DNAH8: variants seen among roughly 807,000 people sequenced by gnomAD.
DNAH8 encodes the protein axonemal beta dynein heavy chain 8.
In DNAH8, 382 loss-of-function variants were observed where a neutral mutation model predicts 562.1. The observed-to-expected ratio is 0.68, with a 90% CI of 0.63 to 0.74. DNAH8 has a LOEUF of 0.74. Among genes scored for constraint, DNAH8 ranks in the 30% least tolerant of loss-of-function variants. The probability of loss-of-function intolerance (pLI) is 0.00; values close to 1 mark genes in which losing one functional copy is unlikely to be tolerated. For missense variants in DNAH8, 5,203 were observed against 5,620.4 expected, an observed-to-expected ratio of 0.93 and a Z score of 2.37; for synonymous variants, 1,881 against 1,919.4, an observed-to-expected ratio of 0.98 and a Z score of 0.52.
intron 10 of DNAH8, among the ~76,000 whole-genome samples, chr6:38,758,593 C>G: frequency 6.6e-6 from 1 of 151,684 alleles, no homozygotes; most frequent in Admixed American, 6.6e-5. Flanking sequence ...GAGAGGGCAT[C>G]CCTGTCTTGT....
intron 17 of DNAH8, among the ~76,000 whole-genome samples, chr6:38,784,030 G>T (rs1768906110): frequency 1.3e-5 from 2 of 152,098 alleles, no homozygotes; most frequent in Admixed American, 1.3e-4. Context: ...AGCTGTGTGG[G>T]GACACAGCAC....
intron 53 of DNAH8, among the ~76,000 whole-genome samples, chr6:38,880,396 A>C (rs7772071): frequency 0.42 from 63,783 of 151,874 alleles, 13,997 homozygotes; most frequent in East Asian, 0.69. Context: ...TTATTTAAAC[A>C]TTATTTAAAG....
chr6:38,725,034 A>G (rs1457246022), intron 3 of DNAH8, among the ~76,000 whole-genome samples: 1 of 151,976 alleles, frequency 6.6e-6, no homozygotes, highest in Non-Finnish European at 1.5e-5. Context: ...CGGGCGCAGT[A>G]GCTCACACCT....
intron 4 of DNAH8, 100 bp from the exon 5 acceptor site, chr6:38,734,374 A>G (rs1325368963): frequency 1.5e-6 from 2 of 1,353,690 alleles, no homozygotes; most frequent in Non-Finnish European, 1.9e-6. Flanking sequence ...AACTTCTTAC[A>G]ATAAAGTAAA....
At chr6:38,884,443 G>A (rs1207206675) in intron 56 of DNAH8, among the ~76,000 whole-genome samples, 5 of 152,028 alleles carry the variant, frequency 3.3e-5, no homozygotes, top group Non-Finnish European at 7.4e-5. Context: ...ACATGTGCCC[G>A]CCACCACGCC....
chr6:39,018,458 T>C (rs1766696630), intron 91 of DNAH8, among the ~76,000 whole-genome samples: 1 of 152,222 alleles, frequency 6.6e-6, no homozygotes, highest in African/African-American at 2.4e-5. Flanking sequence ...GAGCTCACTT[T>C]GTGTGCTCTT....
In DNAH8 at chr6:38,906,303, G is replaced by T. The variant is rs1430726492; in HGVS notation, c.9244G>T (p.Val3082Phe). 2 of 1,608,694 alleles carry T rather than the reference G, an allele frequency of 1.2e-6. No homozygotes were observed. The highest frequency in any genetic ancestry group is 1.1e-5 in the South Asian group (1 of 90,700). The change falls in exon 63 of 93, where the codon GTT (valine) becomes TTT (phenylalanine). Residue 3082 changes from valine (V) to phenylalanine (F), a missense_variant. Val to Phe is a conservative substitution (Grantham distance 50, BLOSUM62 -1). This residue lies in a region of DNAH8 where 977 missense variants were observed against 1,061.8 expected (regional missense o/e 0.92). Transcript: ENST00000327475. ...AGATGATTTAAAAGCTTTGTACAAA[G>T]TTGCTGGTGCTGATGGAAAAGGCAT... is the stretch of plus-strand genomic sequence containing the variant. Reference protein sequence around the residue: ...LTDDLKALYKVAGADGKGITF... With the variant: ...LTDDLKALYKFAGADGKGITF...
intron 9 of DNAH8, 81 bp downstream of exon 9, chr6:38,750,670 T>C: frequency 1.2e-6 from 1 of 856,712 alleles, no homozygotes; most frequent in Non-Finnish European, 1.8e-6. Context: ...AAGGCTGAGG[T>C]GGAAGGATCG....
rs1281754299 is a variant in DNAH8 at position 38,915,317 on chromosome 6, A to T, written c.10080A>T (p.Lys3360Asn). The T allele has an allele frequency of 6.2e-7, 1 of 1,610,336 alleles. No individual in the cohort carries two copies. Among genetic ancestry groups the T allele is most frequent in the African/African-American group, 1.3e-5 (1 of 74,728 alleles). The change falls in exon 68 of 93, where the codon AAA becomes AAT. Residue 3360 changes from lysine to asparagine, a missense_variant. This residue lies in a region of DNAH8 where 87 missense variants were observed against 144.9 expected (regional missense o/e 0.60). Transcript: ENST00000327475. The stretch of plus-strand genomic sequence containing the variant: ...ATGAAATTGATAGTGAAAAAGTGAA[A>T]GCTGAAAGCAAGCTTGAGGCAGCTA... ...IVDEIDSEKV[K>N]AESKLEAAKP...
intron 81 of DNAH8, among the ~76,000 whole-genome samples, chr6:38,950,545 G>A (rs1055315530): frequency 6.6e-6 from 1 of 151,272 alleles, no homozygotes; most frequent in Non-Finnish European, 1.5e-5. Flanking sequence ...GTTCACTCCA[G>A]TCTCCTGCCT....
At chr6:38,880,515 T>C (rs1392093648) in intron 53 of DNAH8, among the ~76,000 whole-genome samples, 1 of 152,126 alleles carries the variant, frequency 6.6e-6, no homozygotes, top group Non-Finnish European at 1.5e-5. Context: ...AGCCACAGAC[T>C]GTAAAGAACT....
chr6:38,874,094 T>TTCTTTCTC lies in DNAH8; in HGVS notation c.7620+721_7620+722insTTCTCTCT, dbSNP rs1777746690. Among the ~76,000 whole-genome samples, 6 of 122,688 alleles carry TTCTTTCTC rather than the reference T, an allele frequency of 4.9e-5. 1 individual carries two copies. Among genetic ancestry groups the TTCTTTCTC allele is most frequent in the Admixed American group, 8.7e-5 (1 of 11,538 alleles). 80.5% of individuals were successfully genotyped at this position (122,688 alleles called of 152,430 possible). ...TTTCTTTCTTTCTTTCTTTCTTTCT[T>TTCTTTCTC]TCTCTTTCTCCTTCCTTCCTTCCTC... On this transcript the variant is annotated intron_variant, in intron 52 of 92. Coordinates refer to ENST00000327475, the MANE Select transcript of DNAH8 (RefSeq NM_001206927.2).
chr6:38,798,306 C>A (rs980376811), intron 21 of DNAH8, among the ~76,000 whole-genome samples: 4 of 152,196 alleles, frequency 2.6e-5, no homozygotes, highest in Admixed American at 1.3e-4. Context: ...TGGATTATAT[C>A]TTAATTAAAA....
chr6:38,741,389 C>G (rs546173287), intron 7 of DNAH8, among the ~76,000 whole-genome samples: 1 of 151,674 alleles, frequency 6.6e-6, no homozygotes, highest in East Asian at 1.9e-4. Context: ...GGCAGCAGAG[C>G]GAGACCCTGC....
At chr6:38,746,909 T>C (rs1764990139) in intron 8 of DNAH8, among the ~76,000 whole-genome samples, 1 of 152,084 alleles carries the variant, frequency 6.6e-6, no homozygotes, top group African/African-American at 2.4e-5. Flanking sequence ...AGCCTGTGTG[T>C]TGGGAGTGAG....
chr6:38,823,511 T>C, intron 27 of DNAH8, 51 bp from the exon 28 acceptor site: 1 of 1,398,782 alleles, frequency 7.1e-7, no homozygotes. Flanking sequence ...GTAACTATGG[T>C]AAGATTTATA....
intron 80 of DNAH8, among the ~76,000 whole-genome samples, 181 bp from the exon 81 acceptor site, chr6:38,949,271 G>A (rs1279290593): frequency 7.2e-5 from 11 of 152,218 alleles, no homozygotes; most frequent in Admixed American, 6.5e-4. Context: ...AGAACTGGAA[G>A]GGAATAGTAA....
At chr6:38,950,001 GA>G (rs1035272426) in intron 81 of DNAH8, among the ~76,000 whole-genome samples, 26 of 152,134 alleles carry the variant, frequency 1.7e-4, no homozygotes, top group East Asian at 5.8e-4. Context: ...TTGCATTCGA[GA>G]AAAAAACCCA....
chr6:38,880,484 T>C (rs1380048016), intron 53 of DNAH8, among the ~76,000 whole-genome samples: 3 of 152,112 alleles, frequency 2.0e-5, no homozygotes, highest in Admixed American at 6.5e-5. Flanking sequence ...TAAAAGTCAC[T>C]ATTAAGAAAA....
Sources: gnomAD v4.1 joint callset for allele counts (sites outside exome capture counted in the v4.1 genomes callset) on GRCh38, gnomAD v4.1.1 for gene constraint, gnomAD v4.1.1 regional missense constraint, MANE v1.5 for transcripts, NCBI Gene and HGNC (gene_info 2026-07-23, HGNC 2026-07-21) for gene names.